The following RGS7 variants were observed in gnomAD, a reference collection of about 807,000 sequenced individuals.
The protein encoded by RGS7 is regulator of G protein signaling 7, also known as regulator of G-protein signaling 7.
RGS7 carries 27 observed loss-of-function variants against 81.1 expected under a neutral mutation model. The ratio of observed to expected loss-of-function variants is 0.33; its 90% CI spans 0.25 to 0.46. The LOEUF (loss-of-function observed/expected upper bound fraction) is 0.46. RGS7 is among the 20% of genes least tolerant of loss of function. RGS7 has a pLI of 1.00. For missense variants in RGS7, 396 were observed against 607.4 expected, an observed-to-expected ratio of 0.65 and a Z score of 3.66; for synonymous variants, 208 against 207.7, an observed-to-expected ratio of 1.00 and a Z score of -0.01.
At chr1:241,003,460 CAAAAAAAAAA>C (rs554768415) in intron 3 of RGS7, among the ~76,000 whole-genome samples, 2 of 83,322 alleles carry the variant, frequency 2.4e-5, no homozygotes, top group African/African-American at 1.0e-4. Context: ...GACTCCGTCT[CAAAAAAAAAA>C]AAAAAAAAAA....
intron 18 of RGS7, among the ~76,000 whole-genome samples, chr1:240,796,593 G>A (rs2103032767): frequency 6.6e-6 from 1 of 152,316 alleles, no homozygotes; most frequent in African/African-American, 2.4e-5. Flanking sequence ...GGTTGAGGCA[G>A]GAGAATTGTT....
chr1:240,951,643 G>A (rs1037878594), intron 4 of RGS7, among the ~76,000 whole-genome samples: 1 of 152,012 alleles, frequency 6.6e-6, no homozygotes, highest in African/African-American at 2.4e-5. Flanking sequence ...AATAACAAAA[G>A]CATCCAAAAA....
intron 2 of RGS7, among the ~76,000 whole-genome samples, chr1:241,155,740 G>A (rs756680363): frequency 2.6e-5 from 4 of 151,886 alleles, no homozygotes; most frequent in Admixed American, 1.3e-4. Flanking sequence ...AAAAAATATG[G>A]AAAACAAACA....
intron 2 of RGS7, among the ~76,000 whole-genome samples, chr1:241,330,621 T>C (rs1201217730): frequency 1.3e-5 from 2 of 152,132 alleles, no homozygotes; most frequent in African/African-American, 4.8e-5. Context: ...AGAAAGTGGG[T>C]TGTAAAAGTT....
At chr1:241,306,243 A>G (rs535607892) in intron 2 of RGS7, among the ~76,000 whole-genome samples, 28 of 151,302 alleles carry the variant, frequency 1.9e-4, no homozygotes, top group Admixed American at 1.6e-3. Flanking sequence ...ACACCCTCAC[A>G]CACATAAGCA....
In RGS7 at chr1:241,163,443, A is replaced by G. The variant is rs1191473948; in HGVS notation, c.79-64681T>C. On this transcript the variant is annotated intron_variant, in intron 2 of 18. Coordinates refer to ENST00000440928, the MANE Select transcript of RGS7 (RefSeq NM_001364886.1). This position sits in a 1 kb window ranked among gnomAD's most constrained non-coding sequence, Gnocchi z 4.6. ...TTTTGTCGGGGAGATACACATCTGC[A>G]GAGAAAATCTGCATTGATGTAGCCA... is the stretch of plus-strand genomic sequence containing the variant. 6.6e-6 allele frequency among the ~76,000 whole-genome samples: 1 copy of G among 152,224 alleles called. No individual in the cohort carries two copies. Among genetic ancestry groups the G allele is most frequent in the Non-Finnish European group, 1.5e-5 (1 of 68,038 alleles).
intron 2 of RGS7, among the ~76,000 whole-genome samples, chr1:241,211,275 C>T (rs1240435126): frequency 1.3e-5 from 2 of 152,116 alleles, no homozygotes; most frequent in Non-Finnish European, 2.9e-5. Context: ...TGTTTATTCA[C>T]TAGGCTATCC....
At chr1:240,998,475 C>T (rs670659) in intron 3 of RGS7, 314,610 of 988,622 alleles carry the variant, frequency 0.32, 53,551 homozygotes, top group Admixed American at 0.51. Flanking sequence ...CCCATGTCAC[C>T]ATCAGACTTC....
At chr1:241,188,513 T>G (rs975656022) in intron 2 of RGS7, among the ~76,000 whole-genome samples, 2 of 152,162 alleles carry the variant, frequency 1.3e-5, no homozygotes, top group African/African-American at 4.8e-5. Context: ...ACTCTGGTAA[T>G]AGAAAAAATA....
At chr1:241,049,287 T>G (rs1458460700) in intron 3 of RGS7, among the ~76,000 whole-genome samples, 1 of 152,242 alleles carries the variant, frequency 6.6e-6, no homozygotes, top group Non-Finnish European at 1.5e-5. Flanking sequence ...TACATTCAAC[T>G]GGACATTACT....
chr1:241,153,196 T>G (rs975102001), intron 2 of RGS7, among the ~76,000 whole-genome samples: 2 of 152,228 alleles, frequency 1.3e-5, no homozygotes, highest in African/African-American at 2.4e-5. Flanking sequence ...TAGATGCATT[T>G]GTCAGGCTGA....
At chr1:241,080,943 C>A (rs561829099) in intron 3 of RGS7, among the ~76,000 whole-genome samples, 1 of 152,082 alleles carries the variant, frequency 6.6e-6, no homozygotes, top group African/African-American at 2.4e-5. Flanking sequence ...GCCTGAGGAG[C>A]CCATATTCAC....
chr1:241,160,186 T>G (rs1335161167), intron 2 of RGS7, among the ~76,000 whole-genome samples: 1 of 150,896 alleles, frequency 6.6e-6, no homozygotes, highest in Non-Finnish European at 1.5e-5. Flanking sequence ...TGGGGCTAAG[T>G]GTTGTCCTGA....
chr1:241,279,003 C>T (rs1381501896), intron 2 of RGS7, among the ~76,000 whole-genome samples: 1 of 152,144 alleles, frequency 6.6e-6, no homozygotes. Context: ...TTGGGGACTT[C>T]CAACCATATA....
chr1:241,283,585 G>T (rs1446163010), intron 2 of RGS7, among the ~76,000 whole-genome samples: 1 of 152,010 alleles, frequency 6.6e-6, no homozygotes, highest in Admixed American at 6.6e-5. Flanking sequence ...GTTTAATTAT[G>T]GTTTGTTTGA....
chr1:241,194,556 A>G (rs1260188745), intron 2 of RGS7, among the ~76,000 whole-genome samples: 1 of 152,236 alleles, frequency 6.6e-6, no homozygotes, highest in African/African-American at 2.4e-5. Context: ...TGACTTTCAG[A>G]AAATGAATAA....
chr1:241,100,063 C>T (rs2064603294), intron 2 of RGS7, among the ~76,000 whole-genome samples: 1 of 152,096 alleles, frequency 6.6e-6, no homozygotes, highest in Non-Finnish European at 1.5e-5. Context: ...ACAGTCTAAA[C>T]TTTATATTAA....
intron 6 of RGS7, among the ~76,000 whole-genome samples, chr1:240,900,683 A>G (rs1405106874): frequency 6.6e-6 from 1 of 152,132 alleles, no homozygotes; most frequent in Non-Finnish European, 1.5e-5. Context: ...ACCCAGTCAT[A>G]TGAGGTGTCA....
chr1:240,795,400 A>G (rs1351112987), intron 18 of RGS7, among the ~76,000 whole-genome samples: 2 of 152,210 alleles, frequency 1.3e-5, no homozygotes, highest in Admixed American at 6.5e-5. Context: ...GGTTTTGGAA[A>G]TCAGGAATAC....
Sources: allele counts gnomAD v4.1 joint callset (sites outside exome capture counted in the v4.1 genomes callset), GRCh38; gene constraint gnomAD v4.1.1; non-coding constraint Gnocchi (gnomAD v3.1); transcripts MANE v1.5; gene names NCBI Gene and HGNC (gene_info 2026-07-23, HGNC 2026-07-21).